SPSB4: variants seen among roughly 807,000 people sequenced by gnomAD.
SPSB4 encodes the protein SPRY domain-containing SOCS box protein 4.
A neutral mutation model predicts 20.9 loss-of-function variants in SPSB4; 21 were observed. The observed-to-expected ratio is 1.01, with a 90% confidence interval of 0.71 to 1.45. The LOEUF (loss-of-function observed/expected upper bound fraction) is 1.45, where lower values mean the gene tolerates loss of function less well. Ranked by LOEUF, SPSB4 falls within the 40% of genes most tolerant of loss-of-function variation. The pLI, the probability that SPSB4 is intolerant of heterozygous loss-of-function variation, is 0.00. For synonymous variants in SPSB4, 207 were observed against 183.8 expected, an observed-to-expected ratio of 1.13 and a Z score of -1.02; for missense variants, 399 against 399.2, an observed-to-expected ratio of 1.00 and a Z score of 0.00.
At chr3:141,065,880 G>T (rs1486808554) in intron 1 of SPSB4, 72 bp from the exon 2 acceptor site, 1 of 505,806 alleles carries the variant, frequency 2.0e-6, no homozygotes, top group East Asian at 3.5e-5. Context: ...CCAAGGCATG[G>T]ACATAAATGA....
chr3:141,113,543 G>A (rs62283596), intron 2 of SPSB4, among the ~76,000 whole-genome samples: 1 of 152,034 alleles, frequency 6.6e-6, no homozygotes, highest in African/African-American at 2.4e-5. Context: ...GATACAAAAG[G>A]TCTCATTATA....
Position 141,067,020 on chromosome 3 carries a change from G to C in SPSB4, c.694+222G>C, listed in dbSNP as rs1458104712. On this transcript the variant is annotated intron_variant, in intron 2 of 2. Coordinates refer to ENST00000310546, the MANE Select transcript of SPSB4 (RefSeq NM_080862.3). The stretch of plus-strand genomic sequence containing the variant: ...CACGATGATAGTAATCTAGCTCACA[G>C]TTGTAACGATCAAATAAAGTAATAG... 3.3e-5 allele frequency among the ~76,000 whole-genome samples: 5 copies of C among 152,216 alleles called. No homozygotes were observed. In the East Asian group the frequency reaches 9.6e-4, roughly 29 times the overall value.
intron 2 of SPSB4, among the ~76,000 whole-genome samples, chr3:141,098,071 A>G (rs918394895): frequency 6.6e-6 from 1 of 152,096 alleles, no homozygotes; most frequent in African/African-American, 2.4e-5. Context: ...TCTTCACCAA[A>G]CCATTTTTTT....
chr3:141,107,421 C>G, intron 2 of SPSB4, among the ~76,000 whole-genome samples: 2 of 152,294 alleles, frequency 1.3e-5, no homozygotes, highest in East Asian at 3.9e-4. Context: ...GTCTGTTCAG[C>G]GACAGAGAAA....
At chr3:141,146,294 G>A (rs1559859801) in intron 2 of SPSB4, among the ~76,000 whole-genome samples, 1 of 152,102 alleles carries the variant, frequency 6.6e-6, no homozygotes, top group African/African-American at 2.4e-5. Flanking sequence ...ACTAGGTGCT[G>A]GAAGAAAATG....
At chr3:141,100,802 G>A (rs1938602601) in intron 2 of SPSB4, among the ~76,000 whole-genome samples, 1 of 152,194 alleles carries the variant, frequency 6.6e-6, no homozygotes, top group South Asian at 2.1e-4. Context: ...GGTACCCTGA[G>A]TCCTGGGGTG....
At chr3:141,087,043 C>T (rs751938404) in intron 2 of SPSB4, among the ~76,000 whole-genome samples, 1 of 152,218 alleles carries the variant, frequency 6.6e-6, no homozygotes, top group Admixed American at 6.5e-5. Context: ...CCCAGAGCTT[C>T]AGGGCCAGCT....
At chr3:141,127,881 C>T (rs1939073094) in intron 2 of SPSB4, among the ~76,000 whole-genome samples, 1 of 152,212 alleles carries the variant, frequency 6.6e-6, no homozygotes. Context: ...GAACTGAGAA[C>T]CGAACCGAAT....
intron 2 of SPSB4, among the ~76,000 whole-genome samples, chr3:141,142,142 A>G (rs891331196): frequency 3.3e-5 from 5 of 152,098 alleles, no homozygotes; most frequent in East Asian, 1.9e-4. Flanking sequence ...TAGATTGTCT[A>G]TTCATGTTCT....
At chr3:141,060,172 C>T (rs1316786710) in intron 1 of SPSB4, among the ~76,000 whole-genome samples, 1 of 152,152 alleles carries the variant, frequency 6.6e-6, no homozygotes, top group East Asian at 1.9e-4. Context: ...ACTATGATTG[C>T]AAAGGAGAGC....
In SPSB4 at chr3:141,051,477, CA is replaced by C. The variant is rs1936086754; in HGVS notation, c.-665del. ...CGTGGCGGCCGGCGCGCCCCGCGCA[CA>C]AAAGCACCCAGCCCCAGGGGAGGGC... On this transcript the variant is annotated 5_prime_UTR_variant, in exon 1 of 3. Coordinates refer to ENST00000310546, the MANE Select transcript of SPSB4 (RefSeq NM_080862.3). 1 of 153,126 alleles carries C rather than the reference CA, an allele frequency of 6.5e-6. No individual in the cohort carries two copies. Among genetic ancestry groups the C allele is most frequent in the African/African-American group, 2.4e-5 (1 of 41,414 alleles). 9.5% of individuals were successfully genotyped at this position (153,126 alleles called of 1,614,324 possible).
At chr3:141,054,078 C>T (rs1217816726) in intron 1 of SPSB4, among the ~76,000 whole-genome samples, 1 of 152,240 alleles carries the variant, frequency 6.6e-6, no homozygotes, top group Non-Finnish European at 1.5e-5. Flanking sequence ...CTTGGAAGGG[C>T]TTCATTTCTA....
At chr3:141,072,811 C>A (rs1249888488) in intron 2 of SPSB4, among the ~76,000 whole-genome samples, 1 of 152,100 alleles carries the variant, frequency 6.6e-6, no homozygotes, top group Non-Finnish European at 1.5e-5. Context: ...TGTATCTCGG[C>A]CCCCCATCCG....
At chr3:141,105,828 A>T (rs1348186634) in intron 2 of SPSB4, among the ~76,000 whole-genome samples, 3 of 152,202 alleles carry the variant, frequency 2.0e-5, no homozygotes, top group Admixed American at 6.5e-5. Context: ...TACGTTTTTT[A>T]AAAAAATTTC....
chr3:141,082,108 C>G (rs918682004), intron 2 of SPSB4, among the ~76,000 whole-genome samples: 1 of 152,198 alleles, frequency 6.6e-6, no homozygotes, highest in Non-Finnish European at 1.5e-5. Flanking sequence ...CATATTCCTG[C>G]CCCAAGAGTT....
Position 141,136,630 on chromosome 3 carries a change from G to A in SPSB4, c.695-10512G>A, listed in dbSNP as rs537848571. ...CCCATGGCTTGTTTTTGTCAGGTTT[G>A]TCAAAGATCAGATGGTTGTAGGTGT... On this transcript the variant is annotated intron_variant, in intron 2 of 2. Coordinates refer to ENST00000310546, the MANE Select transcript of SPSB4 (RefSeq NM_080862.3). Among the ~76,000 whole-genome samples, 7 of 152,200 alleles carry A rather than the reference G, an allele frequency of 4.6e-5. No homozygotes were observed. In the South Asian group the frequency reaches 6.2e-4, roughly 14 times the overall value.
chr3:141,109,549 A>G (rs1576534108), intron 2 of SPSB4, among the ~76,000 whole-genome samples: 1 of 151,860 alleles, frequency 6.6e-6, no homozygotes, highest in South Asian at 2.1e-4. Context: ...TGAGGCTGCC[A>G]TTTTTCATAG....
At chr3:141,127,411 TA>T (rs938931924) in intron 2 of SPSB4, among the ~76,000 whole-genome samples, 6 of 152,198 alleles carry the variant, frequency 3.9e-5, no homozygotes, top group African/African-American at 1.4e-4. Flanking sequence ...AACAGCAGCT[TA>T]GAGCCAGCCC....
chr3:141,080,693 C>T (rs371195167), intron 2 of SPSB4, among the ~76,000 whole-genome samples: 38 of 152,324 alleles, frequency 2.5e-4, no homozygotes, highest in South Asian at 1.2e-3. Flanking sequence ...CACCATGCTG[C>T]GCAAGCCACC....
Sources: gnomAD v4.1 joint callset for allele counts (sites outside exome capture counted in the v4.1 genomes callset) on GRCh38, gnomAD v4.1.1 for gene constraint, MANE v1.5 for transcripts, NCBI Gene and HGNC (gene_info 2026-07-23, HGNC 2026-07-21) for gene names.